The following ALS2 variants were observed in gnomAD, a reference collection of about 807,000 sequenced individuals.
The protein encoded by ALS2 is alsin.
A neutral mutation model predicts 203.4 loss-of-function variants in ALS2; 117 were observed. The observed-to-expected ratio is 0.58, with a 90% confidence interval of 0.50 to 0.67. The LOEUF (loss-of-function observed/expected upper bound fraction) is 0.67. ALS2 is among the 30% of genes least tolerant of loss of function. The pLI, the probability that ALS2 is intolerant of heterozygous loss-of-function variation, is 0.00. For missense variants in ALS2, 1,715 were observed against 1,989.4 expected (o/e 0.86, Z 2.62); for synonymous variants, 718 against 725.9 (o/e 0.99, Z 0.17).
chr2:201,743,027 T>TG (rs1301015387), intron 10 of ALS2, among the ~76,000 whole-genome samples: 3 of 146,494 alleles, frequency 2.0e-5, no homozygotes, highest in South Asian at 2.1e-4. Flanking sequence ...GCCGAGATTG[T>TG]GCCACTACAC....
In ALS2 at chr2:201,733,276, C is replaced by A; in HGVS notation, c.2580G>T (p.Val860=). The part of the protein sequence containing the change: ...VLLKLATCFE[V]ASPEYQKLQD... ...CAAAGAGGTATACATGGGAGCTTAC[C>A]ACTTCAAAACAAGTAGCAAGCTTTA... Residue 860 remains valine, a splice_region_variant and synonymous_variant, in exon 13 of 34, where the codon GTG becomes GTT. Coordinates refer to ENST00000264276, the MANE Select transcript of ALS2 (RefSeq NM_020919.4). 1 of 1,613,640 alleles carries A rather than the reference C, an allele frequency of 6.2e-7. No individual in the cohort carries two copies. The highest frequency in any genetic ancestry group is 8.5e-7 in the Non-Finnish European group (1 of 1,179,794).
intron 25 of ALS2, among the ~76,000 whole-genome samples, chr2:201,712,447 C>T (rs1442374820): frequency 6.6e-6 from 1 of 152,194 alleles, no homozygotes. Flanking sequence ...GATACTTGCT[C>T]AATTTTTCTT....
At position 201,726,848 on chromosome 2, in the gene ALS2, T is replaced by G; in HGVS notation, c.2998A>C (p.Ile1000Leu). Reference sequence around the variant, plus strand: ...AAAGCCTGATCTACGGCTTGGCTTATAGCTCGTAGCCACTTTGTCTAGGAG... The same window carrying G: ...AAAGCCTGATCTACGGCTTGGCTTAGAGCTCGTAGCCACTTTGTCTAGGAG... ...PQEKTKWLRA[I>L]SQAVDQALRG... The change falls in exon 18 of 34, where the codon ATA (isoleucine) becomes CTA (leucine). Residue 1000 changes from isoleucine (I) to leucine (L), a missense_variant. Around this residue, in one of 3 missense-constraint regions of ALS2, gnomAD observed 1,227 missense variants for 1,413.5 expected, o/e 0.87. Coordinates refer to ENST00000264276, the MANE Select transcript of ALS2 (RefSeq NM_020919.4). 6.2e-7 allele frequency: 1 copy of G among 1,613,948 alleles called. No homozygotes were observed. Among genetic ancestry groups the G allele is most frequent in the South Asian group, 1.1e-5 (1 of 91,060 alleles).
chr2:201,760,577 A>C, intron 4 of ALS2: 1 of 1,165,288 alleles, frequency 8.6e-7, no homozygotes, highest in Non-Finnish European at 1.1e-6. Flanking sequence ...GGGCCCACCA[A>C]AATTCAGTAC....
At chr2:201,731,072 C>A (rs1156859321) in intron 13 of ALS2, among the ~76,000 whole-genome samples, 1 of 152,180 alleles carries the variant, frequency 6.6e-6, no homozygotes, top group Non-Finnish European at 1.5e-5. Context: ...AACCGCTACA[C>A]CATGTAGCGA....
chr2:201,725,595 T>C, intron 19 of ALS2, 141 bp from the exon 20 acceptor site: 3 of 765,310 alleles, frequency 3.9e-6, no homozygotes, highest in Non-Finnish European at 6.8e-6. Flanking sequence ...AACAGCATCT[T>C]GGTTTAAGGT....
intron 13 of ALS2, among the ~76,000 whole-genome samples, chr2:201,732,280 G>A (rs565629405): frequency 2.0e-5 from 3 of 152,054 alleles, no homozygotes; most frequent in South Asian, 4.1e-4. Flanking sequence ...AGGGGCCAGC[G>A]TGGTGGCTCA....
chr2:201,761,104 T>C lies in ALS2; in HGVS notation c.890A>G (p.Asn297Ser). Residue 297 changes from asparagine (N) to serine (S), a missense_variant, in exon 4 of 34, where the codon AAT becomes AGT. Around this residue, in one of 3 missense-constraint regions of ALS2, gnomAD observed 476 missense variants for 539.3 expected, o/e 0.88. Coordinates refer to ENST00000264276, the MANE Select transcript of ALS2 (RefSeq NM_020919.4). The part of the protein sequence containing the change: ...EEVFENTLVA[N>S]DQSVATELNA... ...CAGTTCAGTAGCAACAGACTGATCA[T>C]TTGCTACAAGAGTGTTCTCAAATAC... 6.2e-7 allele frequency: 1 copy of C among 1,614,194 alleles called. No individual in the cohort carries two copies. The highest frequency in any genetic ancestry group is 2.2e-5 in the East Asian group (1 of 44,878).
Position 201,700,899 on chromosome 2 carries a change from T to C in ALS2, c.*952A>G, listed in dbSNP as rs542168760. On this transcript the variant is annotated 3_prime_UTR_variant, in exon 34 of 34. Coordinates refer to ENST00000264276, the MANE Select transcript of ALS2 (RefSeq NM_020919.4). ...TTTTGAGATGGAAAAAGCCAAAGCT[T>C]GTTTCCTTTTTCTTCCCATCCTGAG... is the stretch of plus-strand genomic sequence containing the variant. The C allele has an allele frequency of 6.6e-6, 1 of 152,386 alleles. No homozygotes were observed. Among genetic ancestry groups the C allele is most frequent in the South Asian group, 2.1e-4 (1 of 4,828 alleles). The allele number at this position is 152,386 out of a possible 1,614,324, so 9.4% of individuals were successfully genotyped here.
Position 201,757,444 on chromosome 2 carries a change from CCTCT to C in ALS2, c.1425_1428del (p.Gly477AlafsTer19), listed in dbSNP as rs878855058. 4 of 1,614,060 alleles carry C rather than the reference CCTCT, an allele frequency of 2.5e-6. No individual in the cohort carries two copies. The highest frequency in any genetic ancestry group is 1.3e-5 in the African/African-American group (1 of 75,028). On this transcript the variant is annotated frameshift_variant, in exon 5 of 34. Coordinates refer to ENST00000264276, the MANE Select transcript of ALS2 (RefSeq NM_020919.4). LOFTEE classifies it high-confidence loss of function. ...GGGAGGGAGAGTCTTCGACTGCCTC[CCTCT>C]GTTTCTTCTTCTCTGATATCCACAA... is the stretch of plus-strand genomic sequence containing the variant.
rs1257298529 is a variant in ALS2, at chr2:201,704,611, A to G, written c.4689-8T>C. On this transcript the variant is annotated splice_polypyrimidine_tract_variant and splice_region_variant and intron_variant, in intron 31 of 33. Transcript: ENST00000264276. ...GATGGGGTAAATGTTGTGCTGTTACAGAAACAATGACAAAAAGACATCCTA... is the reference window on the plus strand; with the variant it reads ...GATGGGGTAAATGTTGTGCTGTTACGGAAACAATGACAAAAAGACATCCTA... The G allele has an allele frequency of 6.2e-7, 1 of 1,613,986 alleles. No individual in the cohort carries two copies. The highest frequency in any genetic ancestry group is 1.3e-5 in the African/African-American group (1 of 74,936).
At chr2:201,734,253 T>C (rs1457485771) in intron 12 of ALS2, among the ~76,000 whole-genome samples, 3 of 152,278 alleles carry the variant, frequency 2.0e-5, no homozygotes, top group Admixed American at 1.3e-4. Flanking sequence ...GGTGGGTGGA[T>C]AGCTTGAGCC....
chr2:201,707,111 C>T (rs1689766422), intron 28 of ALS2, 89 bp from the exon 29 acceptor site: 2 of 1,267,238 alleles, frequency 1.6e-6, no homozygotes, highest in Admixed American at 2.0e-5. Context: ...TTCAAAAAGT[C>T]AAAAGTAGAG....
chr2:201,733,511 C>G, intron 12 of ALS2, 73 bp from the exon 13 acceptor site: 4 of 1,360,956 alleles, frequency 2.9e-6, no homozygotes, highest in African/African-American at 1.4e-5. Flanking sequence ...TAAAAAATTT[C>G]ACTAGAAAGT....
chr2:201,738,485 C>T (rs1692027638), intron 12 of ALS2, 185 bp downstream of exon 12: 2 of 620,644 alleles, frequency 3.2e-6, no homozygotes, highest in Admixed American at 2.7e-5. Context: ...CAATAGCATA[C>T]TACTTATAAT....
intron 29 of ALS2, 70 bp from the exon 30 acceptor site, chr2:201,705,531 T>C: frequency 8.0e-7 from 1 of 1,243,296 alleles, no homozygotes; most frequent in South Asian, 1.2e-5. Flanking sequence ...TAAAAATAGT[T>C]GACAGCTATA....
At chr2:201,739,236 A>C (rs11362269) in intron 11 of ALS2, among the ~76,000 whole-genome samples, 478 of 19,538 alleles carry the variant, frequency 0.024, 3 homozygotes, top group Middle Eastern at 0.091. Context: ...ACTGTCTCCC[A>C]AAAAAAAAAA....
intron 20 of ALS2, among the ~76,000 whole-genome samples, chr2:201,724,710 AAAT>A (rs1385194893): frequency 2.6e-5 from 4 of 152,242 alleles, no homozygotes; most frequent in Non-Finnish European, 5.9e-5. Context: ...TGGGAAAATG[AAAT>A]AATGAGTTAT....
Position 201,761,667 on chromosome 2 carries a change from A to G in ALS2, c.327T>C (p.Asn109=). 1 of 1,614,122 alleles carries G rather than the reference A, an allele frequency of 6.2e-7. No individual in the cohort carries two copies. The highest frequency in any genetic ancestry group is 8.5e-7 in the Non-Finnish European group (1 of 1,180,024). ...GSFHSGAVTD[N]GVAYMWGENS... ...TCTCTCCCCACATGTACGCGACACC[A>G]TTGTCTGTCACTGCTCCACTATGGA... Residue 109 remains asparagine (N), a synonymous_variant, in exon 4 of 34, where the codon AAT becomes AAC. Transcript: ENST00000264276.
Sources: allele counts gnomAD v4.1 joint callset (sites outside exome capture counted in the v4.1 genomes callset), GRCh38; gene constraint gnomAD v4.1.1; regional missense constraint gnomAD v4.1.1; transcripts MANE v1.5; gene names NCBI Gene and HGNC (gene_info 2026-07-23, HGNC 2026-07-21).